The following ADAMTSL1 variants were observed in gnomAD, a reference collection of about 807,000 sequenced individuals.
ADAMTSL1 encodes ADAMTS-like protein 1.
In ADAMTSL1, 126 loss-of-function variants were observed where a neutral mutation model predicts 201.8. The ratio of observed to expected loss-of-function variants is 0.62; its 90% CI spans 0.54 to 0.72. ADAMTSL1 has a LOEUF of 0.72. ADAMTSL1 is among the 30% of genes least tolerant of loss of function. The pLI, the probability that ADAMTSL1 is intolerant of heterozygous loss-of-function variation, is 0.00. For missense variants in ADAMTSL1, 2,679 were observed against 2,277.8 expected (o/e 1.18, Z -3.59); for synonymous variants, 1,121 against 903.4 (o/e 1.24, Z -4.32).
At chr9:18,154,580 C>T (rs933739247) in intron 1 of ADAMTSL1, among the ~76,000 whole-genome samples, 1 of 152,028 alleles carries the variant, frequency 6.6e-6, no homozygotes, top group Non-Finnish European at 1.5e-5. Context: ...AGATTATGCT[C>T]CCTTAACAGG....
At chr9:18,197,035 G>T (rs570996878) in intron 2 of ADAMTSL1, among the ~76,000 whole-genome samples, 3 of 152,226 alleles carry the variant, frequency 2.0e-5, no homozygotes, top group Admixed American at 6.5e-5. Flanking sequence ...TCTGGCAACT[G>T]CATTTATCTG....
intron 3 of ADAMTSL1, among the ~76,000 whole-genome samples, chr9:18,551,689 C>A (rs770611069): frequency 6.6e-6 from 1 of 151,690 alleles, no homozygotes; most frequent in Non-Finnish European, 1.5e-5. Flanking sequence ...GCCTCAGTCT[C>A]CTCATTTGCA....
Position 18,906,700 on chromosome 9 carries a change from G to C in ADAMTSL1, c.4970G>C (p.Ser1657Thr). 1 of 1,593,574 alleles carries C rather than the reference G, an allele frequency of 6.3e-7. No homozygotes were observed. The change falls in exon 28 of 29, where the codon AGC (serine) becomes ACC (threonine). Residue 1657 changes from serine to threonine, a missense_variant. Ser to Thr is a moderately conservative substitution (Grantham distance 58, BLOSUM62 1). Transcript: ENST00000380548. ...CCACCATCCTCCTGCAGGCCTGTGA[G>C]CACCCAGAACTGCTGGTCAGAGGCC... Reference protein sequence around the residue: ...EQCSALPRPVSTQNCWSEACS... With the variant: ...EQCSALPRPVTTQNCWSEACS...
chr9:18,734,664 A>G (rs1818405386), intron 15 of ADAMTSL1, among the ~76,000 whole-genome samples: 1 of 152,206 alleles, frequency 6.6e-6, no homozygotes, highest in Non-Finnish European at 1.5e-5. Context: ...CACAGAGATG[A>G]TGGATTCACC....
At chr9:18,473,112 T>C (rs1326009487), upstream of ADAMTSL1, among the ~76,000 whole-genome samples, 2 of 152,188 alleles carry the variant, frequency 1.3e-5, no homozygotes, top group Non-Finnish European at 2.9e-5. Context: ...TCCAACCCTC[T>C]TGCAATAGTG....
chr9:18,358,152 CT>C (rs2133062667), intron 2 of ADAMTSL1, among the ~76,000 whole-genome samples: 1 of 152,232 alleles, frequency 6.6e-6, no homozygotes, highest in East Asian at 1.9e-4. Flanking sequence ...CCAGTATATA[CT>C]TACAGTTGTG....
At chr9:18,242,491 G>A (rs147063663) in intron 2 of ADAMTSL1, among the ~76,000 whole-genome samples, 2 of 152,088 alleles carry the variant, frequency 1.3e-5, no homozygotes, top group Admixed American at 1.3e-4. Flanking sequence ...ATTCAACATA[G>A]TGTTAGAACT....
chr9:18,035,941 C>T (rs1260366444), intron 1 of ADAMTSL1, among the ~76,000 whole-genome samples: 1 of 152,102 alleles, frequency 6.6e-6, no homozygotes, highest in East Asian at 1.9e-4. Context: ...TAGTGGAAAA[C>T]AAATAGATTT....
chr9:18,207,074 A>T (rs889848856), intron 2 of ADAMTSL1, among the ~76,000 whole-genome samples: 1 of 152,164 alleles, frequency 6.6e-6, no homozygotes, highest in Non-Finnish European at 1.5e-5. Context: ...CTCAGGTAGG[A>T]GAATCGCTGG....
intron 23 of ADAMTSL1, among the ~76,000 whole-genome samples, chr9:18,877,259 T>C (rs1032831827): frequency 6.6e-6 from 1 of 152,228 alleles, no homozygotes; most frequent in African/African-American, 2.4e-5. Flanking sequence ...AGATTTCTTC[T>C]GGGTTTGGAG....
chr9:18,650,616 A>G (rs560916079), intron 7 of ADAMTSL1, among the ~76,000 whole-genome samples: 13 of 152,344 alleles, frequency 8.5e-5, no homozygotes, highest in African/African-American at 3.1e-4. Flanking sequence ...GTGCAAAAGG[A>G]AGATTTTGTG....
At chr9:18,023,508 C>A (rs1433753335) in intron 1 of ADAMTSL1, among the ~76,000 whole-genome samples, 1 of 152,178 alleles carries the variant, frequency 6.6e-6, no homozygotes, top group Non-Finnish European at 1.5e-5. Flanking sequence ...CAGCCACTTT[C>A]TCCAAATTGC....
At chr9:18,524,124 G>A (rs1474435824) in intron 2 of ADAMTSL1, among the ~76,000 whole-genome samples, 1 of 151,748 alleles carries the variant, frequency 6.6e-6, no homozygotes, top group Admixed American at 6.6e-5. Context: ...TCCTCGAGCA[G>A]TGGTTTATAG....
intron 23 of ADAMTSL1, among the ~76,000 whole-genome samples, chr9:18,840,662 C>T (rs1825658219): frequency 6.6e-6 from 1 of 152,056 alleles, no homozygotes. Context: ...TTCTTCTTAC[C>T]CATGAGCATG....
chr9:17,993,960 C>G (rs2131508237), intron 1 of ADAMTSL1, among the ~76,000 whole-genome samples: 1 of 152,010 alleles, frequency 6.6e-6, no homozygotes, highest in South Asian at 2.1e-4. Flanking sequence ...TTTGAGAGAC[C>G]AGAGAGGTCT....
chr9:18,382,639 G>C (rs1402661725), intron 2 of ADAMTSL1, among the ~76,000 whole-genome samples: 1 of 152,082 alleles, frequency 6.6e-6, no homozygotes, highest in Admixed American at 6.5e-5. Context: ...TCCAGAGCCT[G>C]TTTAGAGGTA....
intron 15 of ADAMTSL1, among the ~76,000 whole-genome samples, chr9:18,721,977 G>T (rs73435548): frequency 2.0e-5 from 3 of 152,120 alleles, no homozygotes; most frequent in Admixed American, 6.6e-5. Context: ...AGACTTCATG[G>T]GCTCTGCCAC....
chr9:18,684,991 A>T, intron 13 of ADAMTSL1, 191 bp downstream of exon 13: 1 of 1,350,356 alleles, frequency 7.4e-7, no homozygotes, highest in Non-Finnish European at 9.5e-7. Flanking sequence ...CATTGTAAAT[A>T]CTTCTGTTTT....
At chr9:18,662,180 A>G in intron 9 of ADAMTSL1, 107 bp downstream of exon 9, 1 of 1,391,538 alleles carries the variant, frequency 7.2e-7, no homozygotes, top group South Asian at 1.4e-5. Context: ...GAAATTAAAC[A>G]TCAATAGTGT....
Sources: gnomAD v4.1 joint callset for allele counts (sites outside exome capture counted in the v4.1 genomes callset) on GRCh38, gnomAD v4.1.1 for gene constraint, MANE v1.5 for transcripts, NCBI Gene and HGNC (gene_info 2026-07-23, HGNC 2026-07-21) for gene names.